The following MGST1 variants were observed in gnomAD, a reference collection of about 807,000 sequenced individuals.
MGST1 encodes microsomal glutathione S-transferase 1, also known as glutathione S-transferase 12.
MGST1 carries 5 observed loss-of-function variants against 8.9 expected under a neutral mutation model. The ratio of observed to expected loss-of-function variants is 0.56; its 90% CI spans 0.29 to 1.19. MGST1 has a LOEUF of 1.19. Among genes scored for constraint, MGST1 ranks in the 50% most tolerant of loss-of-function variants. The probability of loss-of-function intolerance (pLI) is 0.08; values close to 1 mark genes in which losing one functional copy is unlikely to be tolerated. For synonymous variants in MGST1, 54 were observed against 67.8 expected (o/e 0.80, Z 1.00); for missense variants, 182 against 187.4 (o/e 0.97, Z 0.17).
intron 4 of MGST1, among the ~76,000 whole-genome samples, chr12:16,498,612 G>A (rs1023636319): frequency 2.0e-5 from 3 of 152,326 alleles, no homozygotes; most frequent in South Asian, 2.1e-4. Flanking sequence ...GGCAGAGCAT[G>A]TGAGGCTAAT....
intron 4 of MGST1, among the ~76,000 whole-genome samples, chr12:16,515,951 A>G (rs937953327): frequency 6.6e-6 from 1 of 152,192 alleles, no homozygotes; most frequent in Non-Finnish European, 1.5e-5. Flanking sequence ...AAGAACCACC[A>G]TCTGCTCTAA....
chr12:16,477,845 T>C (rs944994975), intron 4 of MGST1, among the ~76,000 whole-genome samples: 2 of 152,210 alleles, frequency 1.3e-5, no homozygotes, highest in Non-Finnish European at 2.9e-5. Context: ...TTACCTGCTT[T>C]TAACAGGTAA....
At chr12:16,454,305 A>G (rs1941152328) in intron 4 of MGST1, among the ~76,000 whole-genome samples, 1 of 151,988 alleles carries the variant, frequency 6.6e-6, no homozygotes, top group African/African-American at 2.4e-5. Flanking sequence ...TTTGGACTAC[A>G]TATTTCACAT....
intron 4 of MGST1, among the ~76,000 whole-genome samples, chr12:16,501,400 A>C: frequency 6.6e-6 from 1 of 152,226 alleles, no homozygotes; most frequent in Admixed American, 6.5e-5. Context: ...CCGCACACAC[A>C]GTGTGGCAAA....
intron 1 of MGST1, among the ~76,000 whole-genome samples, chr12:16,422,649 G>A (rs1177494795): frequency 6.6e-6 from 1 of 152,114 alleles, no homozygotes; most frequent in African/African-American, 2.4e-5. Flanking sequence ...TGCACACATA[G>A]TCAATTGATA....
At chr12:16,382,624 T>A (rs1212751780), upstream of MGST1, among the ~76,000 whole-genome samples, 1 of 152,194 alleles carries the variant, frequency 6.6e-6, no homozygotes, top group Non-Finnish European at 1.5e-5. Flanking sequence ...CGTTCTCAGA[T>A]CTCAAGCTGT....
chr12:16,407,824 G>C (rs1010608833), intron 1 of MGST1, among the ~76,000 whole-genome samples: 1 of 152,028 alleles, frequency 6.6e-6, no homozygotes, highest in Admixed American at 6.6e-5. Context: ...ACGAGGTCAA[G>C]AGATCAAGAC....
At chr12:16,485,760 A>G (rs1321034971) in intron 4 of MGST1, among the ~76,000 whole-genome samples, 2 of 152,238 alleles carry the variant, frequency 1.3e-5, no homozygotes, top group East Asian at 1.9e-4. Context: ...ACAAAGCTAC[A>G]TGTTTTGAGG....
chr12:16,350,323 C>T (rs1322012912), intron 1 of MGST1, among the ~76,000 whole-genome samples: 2 of 152,146 alleles, frequency 1.3e-5, no homozygotes, highest in Non-Finnish European at 2.9e-5. Flanking sequence ...ACCATGCTGG[C>T]CAATGAATGG....
At chr12:16,496,173 G>A (rs2137161883) in intron 4 of MGST1, among the ~76,000 whole-genome samples, 1 of 152,176 alleles carries the variant, frequency 6.6e-6, no homozygotes, top group East Asian at 1.9e-4. Flanking sequence ...AATTCTCAGA[G>A]AGGTGTGTAA....
In MGST1 at chr12:16,585,935, G is replaced by A. The variant is rs1218837094; in HGVS notation, n.483-3593G>A. ...AAATCTTGCTTATCCTAAGATCTGG[G>A]CGACATTTCACCAGTGAGGCGGTAG... On this transcript the variant is annotated intron_variant and non_coding_transcript_variant, in intron 4 of 4. Transcript: ENST00000538857. This position sits in a 1 kb window ranked among gnomAD's most constrained non-coding sequence, Gnocchi z 4.7. Among the ~76,000 whole-genome samples, 1 of 152,108 alleles carries A rather than the reference G, an allele frequency of 6.6e-6. No individual in the cohort carries two copies. Among genetic ancestry groups the A allele is most frequent in the Non-Finnish European group, 1.5e-5 (1 of 68,018 alleles).
intron 4 of MGST1, chr12:16,567,397 G>A (rs1346447569): frequency 6.5e-6 from 1 of 152,748 alleles, no homozygotes; most frequent in East Asian, 1.9e-4. Context: ...CAGTGAGAAG[G>A]ATAACTCAGG....
In MGST1 at chr12:16,584,585, TG is replaced by T. The variant is rs142972130; in HGVS notation, n.483-4935del. Among the ~76,000 whole-genome samples the T allele has an allele frequency of 0.05, 7,500 of 149,378 alleles. 360 individuals carry two copies. Among genetic ancestry groups the T allele is most frequent in the African/African-American group, 0.13 (5,190 of 40,664 alleles). On this transcript the variant is annotated intron_variant and non_coding_transcript_variant, in intron 4 of 4. Coordinates refer to the MGST1 transcript ENST00000538857. This position sits in a 1 kb window ranked among gnomAD's most constrained non-coding sequence, Gnocchi z 5.2. ...AGATTAACATTGGCAAGTGGAGGAG[TG>T]GGGGGGGTAAGAGGCCTGTTTAGAG...
intron 4 of MGST1, among the ~76,000 whole-genome samples, chr12:16,577,466 A>G (rs1233144430): frequency 5.3e-5 from 8 of 152,096 alleles, no homozygotes; most frequent in Non-Finnish European, 1.2e-4. Context: ...CAGCATTCCT[A>G]AATATATTAT....
At chr12:16,480,542 T>A (rs991371646) in intron 4 of MGST1, among the ~76,000 whole-genome samples, 2 of 152,126 alleles carry the variant, frequency 1.3e-5, no homozygotes, top group Admixed American at 6.5e-5. Context: ...ATATACAGAA[T>A]GCATAAAGAA....
At chr12:16,588,648 T>C (rs887763471) in intron 4 of MGST1, among the ~76,000 whole-genome samples, 1 of 152,110 alleles carries the variant, frequency 6.6e-6, no homozygotes, top group Non-Finnish European at 1.5e-5. Flanking sequence ...TAACAATCCA[T>C]TCCAAATTCC....
intron 1 of MGST1, among the ~76,000 whole-genome samples, chr12:16,386,151 A>G (rs1387962024): frequency 6.6e-6 from 1 of 152,184 alleles, no homozygotes. Context: ...TCAATAAACC[A>G]GTCCAAAGTA....
chr12:16,368,077 ATC>A (rs2137015747), downstream of MGST1, among the ~76,000 whole-genome samples: 1 of 152,236 alleles, frequency 6.6e-6, no homozygotes, highest in South Asian at 2.1e-4. Context: ...TAATTGTACA[ATC>A]TCTGATCCCT....
chr12:16,390,649 G>T (rs1033996165), intron 1 of MGST1, among the ~76,000 whole-genome samples: 8 of 151,886 alleles, frequency 5.3e-5, no homozygotes, highest in African/African-American at 1.9e-4. Flanking sequence ...CCTTTTTATG[G>T]CTACATAATG....
Sources: allele counts gnomAD v4.1 joint callset (sites outside exome capture counted in the v4.1 genomes callset), GRCh38; gene constraint gnomAD v4.1.1; non-coding constraint Gnocchi (gnomAD v3.1); transcripts MANE v1.5; gene names NCBI Gene and HGNC (gene_info 2026-07-23, HGNC 2026-07-21).